TRANK1: variants seen among roughly 807,000 people sequenced by gnomAD.
TRANK1 encodes tetratricopeptide repeat and ankyrin repeat containing 1.
Under a neutral mutation model 266.0 loss-of-function variants are expected in TRANK1, and 198 were observed. The ratio of observed to expected loss-of-function variants is 0.74; its 90% CI spans 0.66 to 0.84. The LOEUF (loss-of-function observed/expected upper bound fraction) is 0.84, where lower values mean the gene tolerates loss of function less well. Ranked by LOEUF, TRANK1 falls within the 40% of genes least tolerant of loss-of-function variation. The pLI is 0.00. For synonymous variants in TRANK1, 1,396 were observed against 1,384.1 expected (o/e 1.01, Z -0.19); for missense variants, 3,326 against 3,634.6 (o/e 0.92, Z 2.18).
chr3:36,865,050 C>T (rs1176731066), intron 9 of TRANK1, among the ~76,000 whole-genome samples: 6 of 81,718 alleles, frequency 7.3e-5, no homozygotes, highest in South Asian at 4.5e-4. Context: ...TTTTTTGAGA[C>T]GGAGTCTTAC....
intron 1 of TRANK1, among the ~76,000 whole-genome samples, chr3:36,912,637 T>C (rs2080068536): frequency 6.6e-6 from 1 of 152,066 alleles, no homozygotes; most frequent in Admixed American, 6.6e-5. Context: ...ATGCACTGAG[T>C]AGATTTTGAA....
chr3:36,923,447 G>C (rs983881328), intron 1 of TRANK1, among the ~76,000 whole-genome samples: 3 of 151,958 alleles, frequency 2.0e-5, no homozygotes, highest in African/African-American at 7.2e-5. Flanking sequence ...GTATAGACGG[G>C]GTTTCACCAT....
intron 1 of TRANK1, among the ~76,000 whole-genome samples, chr3:36,914,760 C>T (rs1478814146): frequency 6.6e-6 from 1 of 151,492 alleles, no homozygotes; most frequent in Non-Finnish European, 1.5e-5. Context: ...CCCTTAGCTT[C>T]CCTAGTAGCT....
rs867191307 is a variant in TRANK1 at position 36,924,091 on chromosome 3, T to C, written c.24-15637A>G. On this transcript the variant is annotated intron_variant, in intron 1 of 23. Coordinates refer to ENST00000645898, the MANE Select transcript of TRANK1 (RefSeq NM_001329998.2). ...CTGTCTTGGACATTGCTAAATCAGGTGACCTCGGACAGCCTCAAAATGGTG... is the reference window on the plus strand; with the variant it reads ...CTGTCTTGGACATTGCTAAATCAGGCGACCTCGGACAGCCTCAAAATGGTG... Among the ~76,000 whole-genome samples the C allele has an allele frequency of 4.6e-5, 7 of 152,256 alleles. No homozygotes were observed. In the South Asian group the frequency reaches 1.0e-3, roughly 23 times the overall value.
At chr3:36,830,017 A>T (rs535521773) in intron 22 of TRANK1, among the ~76,000 whole-genome samples, 1 of 152,338 alleles carries the variant, frequency 6.6e-6, no homozygotes, top group East Asian at 1.9e-4. Context: ...ACTTCTACAT[A>T]GTGTTGATAA....
chr3:36,843,575 C>T (rs1032810495), intron 17 of TRANK1, among the ~76,000 whole-genome samples: 10 of 151,814 alleles, frequency 6.6e-5, no homozygotes, highest in African/African-American at 2.2e-4. Context: ...CAGCACTGCA[C>T]CCCACCCCCA....
At chr3:36,894,026 C>G (rs1467008961) in intron 5 of TRANK1, among the ~76,000 whole-genome samples, 1 of 152,152 alleles carries the variant, frequency 6.6e-6, no homozygotes, top group Non-Finnish European at 1.5e-5. Context: ...ACACTCAACC[C>G]CACATGATAA....
chr3:36,916,274 G>A lies in TRANK1; in HGVS notation c.24-7820C>T, dbSNP rs550578474. ...AGGGTTTTAGGTTGCAGATTAACAA[G>A]ATCCAATTTGGCCTGGCACAGTGGC... is the stretch of plus-strand genomic sequence containing the variant. On this transcript the variant is annotated intron_variant, in intron 1 of 23. Transcript: ENST00000645898. 2.0e-5 allele frequency among the ~76,000 whole-genome samples: 3 copies of A among 152,250 alleles called. No homozygotes were observed. The East Asian group carries it at 5.8e-4, about 29-fold the overall frequency.
At chr3:36,894,302 T>TA (rs1399443985) in intron 5 of TRANK1, among the ~76,000 whole-genome samples, 1 of 152,242 alleles carries the variant, frequency 6.6e-6, no homozygotes, top group Admixed American at 6.5e-5. Context: ...CTGAGTGCAG[T>TA]AAATTAAACT....
intron 8 of TRANK1, among the ~76,000 whole-genome samples, chr3:36,887,980 T>C (rs2079631612): frequency 6.6e-6 from 1 of 152,184 alleles, no homozygotes; most frequent in Non-Finnish European, 1.5e-5. Context: ...TGTTACCATA[T>C]GATCCGGCAA....
chr3:36,849,737 A>C (rs1230841174), intron 15 of TRANK1, among the ~76,000 whole-genome samples: 2 of 152,164 alleles, frequency 1.3e-5, no homozygotes, highest in Non-Finnish European at 2.9e-5. Context: ...CCTTTTATGA[A>C]AGCGTTTCCT....
At chr3:36,934,563 G>A (rs78540251) in intron 1 of TRANK1, among the ~76,000 whole-genome samples, 1 of 152,144 alleles carries the variant, frequency 6.6e-6, no homozygotes, top group Non-Finnish European at 1.5e-5. Flanking sequence ...AATACCAGGG[G>A]TGTCCTACCC....
At chr3:36,935,426 C>T (rs931054267) in intron 1 of TRANK1, among the ~76,000 whole-genome samples, 6 of 150,542 alleles carry the variant, frequency 4.0e-5, no homozygotes, top group Non-Finnish European at 7.4e-5. Context: ...TACTGCTTTC[C>T]CTAGAAGATG....
Position 36,879,683 on chromosome 3 carries a change from TATATAAATATATAAATATAA to T in TRANK1, c.908-5407_908-5388del, listed in dbSNP as rs1188356838. Reference sequence around the variant, plus strand: ...ATATAAATATATATAAATATATAAATATATAAATATATAAATATAAATATAAATATATAAATATATAAATA... The same window carrying T: ...ATATAAATATATATAAATATATAAATATATAAATATATAAATATATAAATA... On this transcript the variant is annotated intron_variant, in intron 8 of 23. Coordinates refer to ENST00000645898, the MANE Select transcript of TRANK1 (RefSeq NM_001329998.2). Among the ~76,000 whole-genome samples, 2 of 98,858 alleles carry T rather than the reference TATATAAATATATAAATATAA, an allele frequency of 2.0e-5. 1 individual carries two copies. The highest frequency in any genetic ancestry group is 8.9e-5 in the African/African-American group (2 of 22,452). 64.9% of individuals were successfully genotyped at this position (98,858 alleles called of 152,430 possible). A position where few individuals can be genotyped will look rare whatever the true frequency, so the allele number is the denominator to read the frequency against.
chr3:36,845,567 G>T (rs919858836), intron 17 of TRANK1, among the ~76,000 whole-genome samples: 2 of 152,074 alleles, frequency 1.3e-5, no homozygotes, highest in African/African-American at 4.8e-5. Context: ...GATATATACT[G>T]ATATGCATAA....
In TRANK1 at chr3:36,832,597, A is replaced by C; in HGVS notation, c.6986T>G (p.Leu2329Arg). The change falls in exon 22 of 24, where the codon CTG (leucine) becomes CGG (arginine). Residue 2329 changes from leucine to arginine, a missense_variant. By Grantham distance (102) the Leu-to-Arg change is moderately radical (BLOSUM62 -2). Transcript: ENST00000645898. ...GAAAGCTTGCATGGCACTCAGCCAC[A>C]GGTCTGTGGATTCCCGGCGGTTGCG... is the stretch of plus-strand genomic sequence containing the variant. ...SARNRRESTD[L>R]WLSAMQAFLL... The C allele has an allele frequency of 6.2e-7, 1 of 1,614,024 alleles. No individual in the cohort carries two copies. The highest frequency in any genetic ancestry group is 8.5e-7 in the Non-Finnish European group (1 of 1,179,896).
At chr3:36,898,985 T>C in intron 4 of TRANK1, 124 bp downstream of exon 4, 1 of 1,070,840 alleles carries the variant, frequency 9.3e-7, no homozygotes, top group Non-Finnish European at 1.3e-6. Flanking sequence ...CTAGATTCAT[T>C]AAACTGCATA....
intron 8 of TRANK1, among the ~76,000 whole-genome samples, chr3:36,876,377 C>A (rs916218628): frequency 1.3e-5 from 2 of 152,250 alleles, no homozygotes; most frequent in African/African-American, 2.4e-5. Flanking sequence ...CTGGCCAGGG[C>A]CTTGCCAATC....
At position 36,899,260 on chromosome 3, in the gene TRANK1, C is replaced by T. The variant is rs767210665; in HGVS notation, c.283-1G>A. 17 of 1,536,602 alleles carry T rather than the reference C, an allele frequency of 1.1e-5. No individual in the cohort carries two copies. The highest frequency in any genetic ancestry group is 1.4e-5 in the Non-Finnish European group (16 of 1,146,752). ...AGGAATAACCAGCTCGGTAGTATCC[C>T]TGGAACAGGATAAAAAGCAAAACTG... is the stretch of plus-strand genomic sequence containing the variant. On this transcript the variant is annotated splice_acceptor_variant, in intron 3 of 23. Transcript: ENST00000645898. LOFTEE classifies it high-confidence loss of function.
Sources: allele counts gnomAD v4.1 joint callset (sites outside exome capture counted in the v4.1 genomes callset), GRCh38; gene constraint gnomAD v4.1.1; transcripts MANE v1.5; gene names NCBI Gene and HGNC (gene_info 2026-07-23, HGNC 2026-07-21).